The following SYNE3 variants were observed in gnomAD, a reference collection of about 807,000 sequenced individuals.
SYNE3 encodes spectrin repeat containing nuclear envelope family member 3, also known as nesprin-3.
Under a neutral mutation model 111.2 loss-of-function variants are expected in SYNE3, and 100 were observed. The observed-to-expected ratio is 0.90, with a 90% CI of 0.77 to 1.06. The LOEUF is 1.06. Among genes scored for constraint, SYNE3 ranks in the 50% least tolerant of loss-of-function variants. SYNE3 has a pLI of 0.00. For missense variants in SYNE3, 1,160 were observed against 1,240.3 expected (o/e 0.94, Z 0.97); for synonymous variants, 547 against 533.9 (o/e 1.02, Z -0.34).
chr14:95,504,572 T>C (rs1890458555), intron 1 of SYNE3, among the ~76,000 whole-genome samples: 2 of 152,218 alleles, frequency 1.3e-5, no homozygotes, highest in South Asian at 4.1e-4. Flanking sequence ...CCCCACACTG[T>C]CACAGTTGTT....
chr14:95,472,884 G>A (rs1432356956), intron 2 of SYNE3, among the ~76,000 whole-genome samples: 3 of 152,120 alleles, frequency 2.0e-5, no homozygotes, highest in Non-Finnish European at 2.9e-5. Flanking sequence ...GGGAAGGCAT[G>A]GGACATCCTC....
chr14:95,415,122 C>T lies in SYNE3; in HGVS notation c.*2704G>A, dbSNP rs1329092559. The T allele has an allele frequency of 6.6e-6, 1 of 151,986 alleles. No homozygotes were observed. The highest frequency in any genetic ancestry group is 1.5e-5 in the Non-Finnish European group (1 of 68,018). 9.4% of individuals were successfully genotyped at this position (151,986 alleles called of 1,614,324 possible). On this transcript the variant is annotated 3_prime_UTR_variant, in exon 18 of 18. Transcript: ENST00000682763. ...CATGTAGTTGCTGACATGAGCGGAT[C>T]ATACCACAATGAGCAGGGTACCACC...
chr14:95,490,636 G>A (rs2139567824), intron 1 of SYNE3, among the ~76,000 whole-genome samples: 1 of 152,368 alleles, frequency 6.6e-6, no homozygotes, highest in Middle Eastern at 3.4e-3. Context: ...AGCATGCTGA[G>A]GCTGGCTGCA....
chr14:95,449,334 G>A, intron 8 of SYNE3: 1 of 722,762 alleles, frequency 1.4e-6, no homozygotes, highest in Non-Finnish European at 1.7e-6. Flanking sequence ...CCAATGAGAT[G>A]TGAGGGGAGT....
intron 17 of SYNE3, among the ~76,000 whole-genome samples, chr14:95,428,248 C>T (rs191799858): frequency 1.3e-5 from 2 of 152,066 alleles, no homozygotes; most frequent in South Asian, 4.2e-4. Context: ...CCAAGGTTGG[C>T]GGTCTCGGTT....
At chr14:95,453,745 C>G (rs1445291803) in intron 6 of SYNE3, among the ~76,000 whole-genome samples, 3 of 152,202 alleles carry the variant, frequency 2.0e-5, no homozygotes, top group Non-Finnish European at 4.4e-5. Flanking sequence ...TGGGGGCTGT[C>G]CCTGGAGAGA....
chr14:95,417,937 G>C lies in SYNE3; in HGVS notation c.2817C>G (p.Leu939=), dbSNP rs149881773. 1.2e-5 allele frequency: 20 copies of C among 1,613,956 alleles called. No individual in the cohort carries two copies. The highest frequency in any genetic ancestry group is 1.7e-5 in the Non-Finnish European group (20 of 1,180,028). ...PLQLLLLLFL[L]LLFLLPIREE... is the part of the protein sequence containing the mutation. ...CCCTGATTGGGAGCAGGAACAGCAG[G>C]AGGAGGAACAGCAGCAGAAGCAGCT... Residue 939 remains leucine (L), a synonymous_variant, in exon 18 of 18, where the codon CTC becomes CTG. Coordinates refer to ENST00000682763, the MANE Select transcript of SYNE3 (RefSeq NM_152592.6).
intron 1 of SYNE3, among the ~76,000 whole-genome samples, chr14:95,487,659 C>T (rs146328084): frequency 6.6e-6 from 1 of 152,296 alleles, no homozygotes; most frequent in East Asian, 1.9e-4. Flanking sequence ...AATGAACATA[C>T]CCGCCTCCCC....
At chr14:95,420,804 C>T (rs1885072530) in intron 17 of SYNE3, among the ~76,000 whole-genome samples, 1 of 151,050 alleles carries the variant, frequency 6.6e-6, no homozygotes, top group Non-Finnish European at 1.5e-5. Context: ...CTTGGCTCTT[C>T]CAAAGAGAGA....
chr14:95,436,157 T>C (rs1283668487), intron 15 of SYNE3, among the ~76,000 whole-genome samples: 2 of 152,168 alleles, frequency 1.3e-5, no homozygotes, highest in Non-Finnish European at 2.9e-5. Flanking sequence ...GCAATATGAC[T>C]TTGCCATCCC....
chr14:95,458,665 C>A (rs1887609157), intron 4 of SYNE3, among the ~76,000 whole-genome samples: 2 of 152,228 alleles, frequency 1.3e-5, no homozygotes, highest in South Asian at 4.1e-4. Flanking sequence ...TTCATCACAG[C>A]AGTTGTCCAT....
intron 17 of SYNE3, among the ~76,000 whole-genome samples, chr14:95,423,879 G>A (rs1210386029): frequency 8.0e-5 from 4 of 50,092 alleles, no homozygotes; most frequent in African/African-American, 2.9e-4. Context: ...GATGGGGATG[G>A]GGTTTTGATG....
At chr14:95,510,530 G>A (rs1002737216) in intron 1 of SYNE3, among the ~76,000 whole-genome samples, 9 of 152,236 alleles carry the variant, frequency 5.9e-5, no homozygotes, top group African/African-American at 2.2e-4. Flanking sequence ...GTCGGGTTTG[G>A]TGGCTCATGC....
At position 95,412,092 on chromosome 14, in the gene SYNE3, G is replaced by A. The variant is rs4900266; in HGVS notation, c.*5734C>T. The A allele has an allele frequency of 0.72, 109,625 of 152,816 alleles. 39,570 individuals are homozygous for A. Among genetic ancestry groups the A allele is most frequent in the Non-Finnish European group, 0.76 (52,095 of 68,564 alleles). The allele number at this position is 152,816 out of a possible 1,614,324, so 9.5% of individuals were successfully genotyped here. A position where few individuals can be genotyped will look rare whatever the true frequency, so the allele number is the denominator to read the frequency against. ...ACACACTTCTGACCTCCTGAGGCTG[G>A]GTCAGTCTATTTTCCCCTCCTCTGC... On this transcript the variant is annotated 3_prime_UTR_variant, in exon 18 of 18. Coordinates refer to ENST00000682763, the MANE Select transcript of SYNE3 (RefSeq NM_152592.6).
intron 16 of SYNE3, 76 bp from the exon 17 acceptor site, chr14:95,432,193 C>T: frequency 6.6e-7 from 1 of 1,506,544 alleles, no homozygotes; most frequent in Non-Finnish European, 9.1e-7. Context: ...CCCAACAGAG[C>T]CTGTAATGGA....
intron 1 of SYNE3, among the ~76,000 whole-genome samples, chr14:95,505,432 A>G (rs530206924): frequency 6.6e-6 from 1 of 152,256 alleles, no homozygotes; most frequent in East Asian, 1.9e-4. Flanking sequence ...GCTAGTGCCA[A>G]CAGTCCTGGG....
chr14:95,411,361 A>G lies in SYNE3; in HGVS notation c.*6465T>C, dbSNP rs1903431409. On this transcript the variant is annotated 3_prime_UTR_variant, in exon 18 of 18. Coordinates refer to ENST00000682763, the MANE Select transcript of SYNE3 (RefSeq NM_152592.6). The stretch of plus-strand genomic sequence containing the variant: ...AAAAAAGAAAAGGAGACCAGAATTG[A>G]GAGCTTTCTGAGAGGGCTGGTACAG... The G allele has an allele frequency of 1.3e-5, 2 of 151,892 alleles. 1 individual carries two copies. The highest frequency in any genetic ancestry group is 4.2e-4 in the South Asian group (2 of 4,802). The allele number at this position is 151,892 out of a possible 1,614,324, so 9.4% of individuals were successfully genotyped here.
chr14:95,468,320 T>A (rs796789238), intron 2 of SYNE3, among the ~76,000 whole-genome samples: 16 of 152,352 alleles, frequency 1.1e-4, no homozygotes, highest in African/African-American at 3.8e-4. Context: ...TCTCTCAGAT[T>A]TTTTTCAGGA....
At chr14:95,515,788 G>GTTAACCACTT (rs769285715) in intron 1 of SYNE3, among the ~76,000 whole-genome samples, 77 of 152,344 alleles carry the variant, frequency 5.1e-4, no homozygotes, top group Non-Finnish European at 7.6e-4. Flanking sequence ...CAGGGCCAAA[G>GTTAACCACTT]TGGTTAACTG....
Sources: gnomAD v4.1 joint callset for allele counts (sites outside exome capture counted in the v4.1 genomes callset) on GRCh38, gnomAD v4.1.1 for gene constraint, MANE v1.5 for transcripts, NCBI Gene and HGNC (gene_info 2026-07-23, HGNC 2026-07-21) for gene names.